PPP6C: variants seen among roughly 807,000 people sequenced by gnomAD.
PPP6C encodes protein phosphatase 6 catalytic subunit, also known as serine/threonine-protein phosphatase 6 catalytic subunit.
In PPP6C, 11 loss-of-function variants were observed where a neutral mutation model predicts 39.8. The ratio of observed to expected loss-of-function variants is 0.28; its 90% CI spans 0.17 to 0.46. PPP6C has a LOEUF of 0.46. PPP6C is among the 20% of genes least tolerant of loss of function. The pLI is 1.00. For synonymous variants in PPP6C, 129 were observed against 130.3 expected (o/e 0.99, Z 0.07); for missense variants, 211 against 373.9 (o/e 0.56, Z 3.59).
chr9:125,189,585 A>G, intron 1 of PPP6C, 59 bp downstream of exon 1: 1 of 1,608,340 alleles, frequency 6.2e-7, no homozygotes, highest in Non-Finnish European at 8.5e-7. Context: ...TGGAGAAAGG[A>G]AGGGCCGGCC....
intron 6 of PPP6C, chr9:125,150,721 T>C: frequency 1.2e-6 from 1 of 807,076 alleles, no homozygotes; most frequent in Non-Finnish European, 2.0e-6. Flanking sequence ...CGCCTGGGCC[T>C]GGAGCTCGGC....
chr9:125,166,537 T>TTC (rs896217404), intron 2 of PPP6C, among the ~76,000 whole-genome samples: 2 of 145,716 alleles, frequency 1.4e-5, no homozygotes, highest in Non-Finnish European at 3.0e-5. Context: ...TTCTTTTTCT[T>TTC]TTTTTTTTTT....
intron 1 of PPP6C, among the ~76,000 whole-genome samples, chr9:125,188,418 T>C (rs1387727197): frequency 2.6e-5 from 4 of 151,954 alleles, no homozygotes; most frequent in Non-Finnish European, 4.4e-5. Context: ...GGTTAAATAC[T>C]AGCACGAGCT....
At chr9:125,168,580 T>TC (rs1795755717) in intron 2 of PPP6C, among the ~76,000 whole-genome samples, 1 of 152,052 alleles carries the variant, frequency 6.6e-6, no homozygotes, top group South Asian at 2.1e-4. Flanking sequence ...TGCCTCAGCC[T>TC]CCTAAGGAGC....
intron 1 of PPP6C, among the ~76,000 whole-genome samples, chr9:125,175,574 C>T (rs1255587792): frequency 3.4e-5 from 5 of 146,904 alleles, no homozygotes; most frequent in African/African-American, 1.3e-4. Flanking sequence ...ACCCGGGAGG[C>T]GGAGCTTGCA....
At position 125,149,451 on chromosome 9, in the gene PPP6C, A is replaced by T. The variant is rs1288981052; in HGVS notation, c.*222T>A. 8.3e-6 allele frequency: 4 copies of T among 481,174 alleles called. No homozygotes were observed. Among genetic ancestry groups the T allele is most frequent in the Non-Finnish European group, 1.4e-5 (4 of 276,688 alleles). 29.8% of individuals were successfully genotyped at this position (481,174 alleles called of 1,614,324 possible). On this transcript the variant is annotated 3_prime_UTR_variant, in exon 7 of 7. Coordinates refer to ENST00000373547, the MANE Select transcript of PPP6C (RefSeq NM_002721.5). Reference sequence around the variant, plus strand: ...GACATTTCTCAAGTCTTCTCAAATGAGTCCAGGGTGGGGATGGGATGGGGG... The same window carrying T: ...GACATTTCTCAAGTCTTCTCAAATGTGTCCAGGGTGGGGATGGGATGGGGG...
chr9:125,154,116 T>G (rs1169992391), intron 4 of PPP6C, 131 bp from the exon 5 acceptor site: 1 of 690,766 alleles, frequency 1.4e-6, no homozygotes, highest in African/African-American at 1.8e-5. Context: ...TGACACATAT[T>G]TAGTCCTGCT....
chr9:125,168,520 G>A (rs538943217), intron 2 of PPP6C, among the ~76,000 whole-genome samples: 7 of 151,672 alleles, frequency 4.6e-5, no homozygotes, highest in African/African-American at 1.2e-4. Context: ...GTGCAATGGC[G>A]CGATCTCGGC....
Position 125,171,128 on chromosome 9 carries a change from G to A in PPP6C, c.128C>T (p.Pro43Leu), listed in dbSNP as rs917274159. 1.2e-6 allele frequency: 2 copies of A among 1,605,548 alleles called. No homozygotes were observed. Among genetic ancestry groups the A allele is most frequent in the Non-Finnish European group, 8.5e-7 (1 of 1,174,458 alleles). Residue 43 changes from proline to leucine, a missense_variant, in exon 2 of 7, where the codon CCA (proline) becomes CTA (leucine). Physicochemically the swap from Pro to Leu is moderately conservative, Grantham distance 98. Coordinates refer to ENST00000373547, the MANE Select transcript of PPP6C (RefSeq NM_002721.5). ...ACACACTGTTACTGGTGTTGATACT[G>A]GCTGAACATTTGACTCTTCTAAGAG... The part of the protein sequence containing the change: ...DLLLEESNVQ[P>L]VSTPVTVCGD...
chr9:125,179,084 G>A (rs765743548), intron 1 of PPP6C, among the ~76,000 whole-genome samples: 7 of 152,008 alleles, frequency 4.6e-5, no homozygotes, highest in African/African-American at 7.3e-5. Flanking sequence ...GTGTGGTGGC[G>A]CATGCCTATA....
At chr9:125,188,881 T>C in intron 1 of PPP6C, 1 of 1,513,164 alleles carries the variant, frequency 6.6e-7, no homozygotes, top group Non-Finnish European at 9.0e-7. Flanking sequence ...ATACATACAT[T>C]TACTCTTACT....
intron 1 of PPP6C, among the ~76,000 whole-genome samples, chr9:125,181,362 T>C (rs1168910891): frequency 6.6e-6 from 1 of 152,174 alleles, no homozygotes; most frequent in African/African-American, 2.4e-5. Flanking sequence ...ATACTTAAGT[T>C]CTGGGACACA....
intron 2 of PPP6C, 54 bp from the exon 3 acceptor site, chr9:125,160,960 C>A: frequency 7.9e-7 from 1 of 1,267,820 alleles, no homozygotes; most frequent in South Asian, 1.4e-5. Flanking sequence ...AGAAGCAAAG[C>A]AACAAAACTG....
chr9:125,172,051 T>G, intron 1 of PPP6C: 1 of 445,962 alleles, frequency 2.2e-6, no homozygotes. Flanking sequence ...AAACACATTT[T>G]GGTACATCCA....
chr9:125,189,015 A>G, intron 1 of PPP6C: 1 of 1,208,820 alleles, frequency 8.3e-7, no homozygotes, highest in Non-Finnish European at 1.2e-6. Context: ...TATCCACTTC[A>G]GTAAGCTCAA....
chr9:125,171,479 A>G (rs1253183131), intron 1 of PPP6C, among the ~76,000 whole-genome samples: 12 of 12,434 alleles, frequency 9.7e-4, no homozygotes, highest in Non-Finnish European at 2.1e-3. Flanking sequence ...ACACACACAC[A>G]TATATATATA....
At chr9:125,177,879 T>TATATA in intron 1 of PPP6C, among the ~76,000 whole-genome samples, 1 of 152,358 alleles carries the variant, frequency 6.6e-6, no homozygotes, top group South Asian at 2.1e-4. Flanking sequence ...TTTCCCAAAA[T>TATATA]GTCATATAGT....
In PPP6C at chr9:125,187,033, G is replaced by A. The variant is rs1007417067; in HGVS notation, c.75+2611C>T. ...GCAATCTTGGCTCACTGCAACCTCC[G>A]CCTCCCTGGTTCAAGCGATTCTCCT... On this transcript the variant is annotated intron_variant, in intron 1 of 6. Coordinates refer to ENST00000373547, the MANE Select transcript of PPP6C (RefSeq NM_002721.5). Among the ~76,000 whole-genome samples, 16 of 130,532 alleles carry A rather than the reference G, an allele frequency of 1.2e-4. No individual in the cohort carries two copies. The East Asian group carries it at 1.5e-3, about 12-fold the overall frequency. The allele number at this position is 130,532 out of a possible 152,430, so 85.6% of individuals were successfully genotyped here.
intron 6 of PPP6C, chr9:125,150,668 C>T: frequency 1.0e-6 from 1 of 966,438 alleles, no homozygotes; most frequent in Non-Finnish European, 1.5e-6. Flanking sequence ...TCAAAATCTT[C>T]AGCGGCAGCT....
Sources: gnomAD v4.1 joint callset for allele counts (sites outside exome capture counted in the v4.1 genomes callset) on GRCh38, gnomAD v4.1.1 for gene constraint, MANE v1.5 for transcripts, NCBI Gene and HGNC (gene_info 2026-07-23, HGNC 2026-07-21) for gene names.